The following THNSL2 variants were observed in gnomAD, a reference collection of about 807,000 sequenced individuals.
The protein encoded by THNSL2 is threonine synthase like 2, also known as threonine synthase-like 2.
A neutral mutation model predicts 40.0 loss-of-function variants in THNSL2; 34 were observed. The observed-to-expected ratio is 0.85, with a 90% CI of 0.65 to 1.13. The LOEUF (loss-of-function observed/expected upper bound fraction) is 1.13, where lower values mean the gene tolerates loss of function less well. THNSL2 is among the 50% of genes most tolerant of loss of function. THNSL2 has a pLI of 0.00. For synonymous variants in THNSL2, 241 were observed against 247.5 expected (o/e 0.97, Z 0.25); for missense variants, 537 against 608.8 (o/e 0.88, Z 1.24).
At position 88,174,740 on chromosome 2, in the gene THNSL2, A is replaced by G; in HGVS notation, c.325A>G (p.Thr109Ala). 1 of 1,614,222 alleles carries G rather than the reference A, an allele frequency of 6.2e-7. No homozygotes were observed. Among genetic ancestry groups the G allele is most frequent in the Middle Eastern group, 1.6e-4 (1 of 6,062 alleles). The change falls in exon 3 of 9, where the codon ACA becomes GCA. Residue 109 changes from threonine to alanine, a missense_variant. Physicochemically the swap from Thr to Ala is moderately conservative, Grantham distance 58 (BLOSUM62 0). Transcript: ENST00000674334. ...LNVLELWHGV[T>A]YAFKDLSLSC... ...CGTGTTGGAGCTGTGGCATGGCGTC[A>G]CATATGCATTTAAGGACCTGTCCCT...
At position 88,173,197 on chromosome 2, in the gene THNSL2, A is replaced by T. The variant is rs758858874; in HGVS notation, c.47A>T (p.Glu16Val). 2 of 1,604,400 alleles carry T rather than the reference A, an allele frequency of 1.2e-6. No homozygotes were observed. The highest frequency in any genetic ancestry group is 2.7e-5 in the African/African-American group (2 of 74,640). ...TRGVAPRVNF[E>V]GALFSGYAPD... ...GGCGTAGCCCCACGGGTCAACTTTG[A>T]GGGGGCCCTCTTCTCTGGCTATGCA... The change falls in exon 2 of 9, where the codon GAG becomes GTG. Residue 16 changes from glutamate (E) to valine (V), a missense_variant. Physicochemically the swap from Glu to Val is moderately radical, Grantham distance 121. Transcript: ENST00000674334.
At position 88,182,890 on chromosome 2, in the gene THNSL2, TGGGTG is replaced by T. The variant is rs777921730; in HGVS notation, c.951+47_952-50del. ...GTGCAGATCTGGCCCAGGTGTTGGT[TGGGTG>T]GGGCTCGATGGGGCTGAGATCAGTC... On this transcript the variant is annotated intron_variant, in intron 6 of 8. Transcript: ENST00000674334. 8.7e-6 allele frequency: 14 copies of T among 1,611,702 alleles called. No individual in the cohort carries two copies. In the South Asian group the frequency reaches 1.5e-4, roughly 18 times the overall value.
Position 88,182,701 on chromosome 2 carries a change from G to A in THNSL2, c.805G>A (p.Gly269Arg). The A allele has an allele frequency of 6.2e-7, 1 of 1,605,936 alleles. No individual in the cohort carries two copies. The highest frequency in any genetic ancestry group is 8.5e-7 in the Non-Finnish European group (1 of 1,173,612). Reference sequence around the variant, plus strand: ...TTCTCCTCCTCTCTTGTCTTAAGCTGGGTACATTGCTCAAAAGATAGGCCT... The same window carrying A: ...TTCTCCTCCTCTCTTGTCTTAAGCTAGGTACATTGCTCAAAAGATAGGCCT... ...PTGAAGNLAA[G>R]YIAQKIGLPI... The change falls in exon 6 of 9, where the codon GGG becomes AGG. Residue 269 changes from glycine to arginine, a missense_variant and splice_region_variant. Coordinates refer to ENST00000674334, the MANE Select transcript of THNSL2 (RefSeq NM_018271.5).
intron 4 of THNSL2, 77 bp from the exon 5 acceptor site, chr2:88,178,706 C>T: frequency 6.6e-7 from 1 of 1,513,320 alleles, no homozygotes; most frequent in Non-Finnish European, 9.1e-7. Flanking sequence ...CTGGGAGGGC[C>T]CTGTCGCAGG....
At chr2:88,176,214 G>A (rs1676924008) in intron 4 of THNSL2, 1 of 152,252 alleles carries the variant, frequency 6.6e-6, no homozygotes. Context: ...ACTACTCAGT[G>A]GTACCCACCA....
chr2:88,182,797 T>C lies in THNSL2; in HGVS notation c.901T>C (p.Ser301Pro). 1 of 1,614,166 alleles carries C rather than the reference T, an allele frequency of 6.2e-7. No homozygotes were observed. The highest frequency in any genetic ancestry group is 8.5e-7 in the Non-Finnish European group (1 of 1,180,030). Residue 301 changes from serine to proline, a missense_variant, in exon 6 of 9, where the codon TCT becomes CCT. Physicochemically the swap from Ser to Pro is moderately conservative, Grantham distance 74. Coordinates refer to ENST00000674334, the MANE Select transcript of THNSL2 (RefSeq NM_018271.5). ...IHRTVQQGDF[S>P]LSEAVKSTLA... ...CAGGACTGTCCAGCAGGGAGACTTC[T>C]CTCTCTCTGAGGCTGTTAAATCAAC... is the stretch of plus-strand genomic sequence containing the variant.
At position 88,178,973 on chromosome 2, in the gene THNSL2, G is replaced by T. The variant is rs1677243065; in HGVS notation, c.762G>T (p.Val254=). The T allele has an allele frequency of 1.2e-6, 2 of 1,614,116 alleles. No homozygotes were observed. The highest frequency in any genetic ancestry group is 1.7e-5 in the Admixed American group (1 of 60,012). Residue 254 remains valine, a synonymous_variant, in exon 5 of 9, where the codon GTG becomes GTT. Transcript: ENST00000674334. ...TGGACACACATCCCCTACCCCTGGT[G>T]GAGGTGGTTGTGCCAACAGGGGCTG... ...PSLDTHPLPL[V]EVVVPTGAAG... is the part of the protein sequence containing the mutation.
chr2:88,183,025 G>A lies in THNSL2; in HGVS notation c.1029G>A (p.Gln343=), dbSNP rs1175702835. ...DSQVTRALME[Q]FERTQSVNLP... ...AGGTGACAAGAGCCCTCATGGAGCA[G>A]TTTGAAAGGACCCAAAGTGTGAATC... is the stretch of plus-strand genomic sequence containing the variant. Residue 343 remains glutamine (Q), a synonymous_variant, in exon 7 of 9, where the codon CAG becomes CAA. Transcript: ENST00000674334. 1 of 1,614,008 alleles carries A rather than the reference G, an allele frequency of 6.2e-7. No homozygotes were observed.
chr2:88,182,907 G>T (rs373433510), intron 6 of THNSL2, 41 bp from the exon 7 acceptor site: 2 of 1,612,678 alleles, frequency 1.2e-6, no homozygotes, highest in African/African-American at 2.7e-5. Context: ...GGCTCGATGG[G>T]GCTGAGATCA....
chr2:88,174,164 G>GGACT (rs1362442036), intron 2 of THNSL2, among the ~76,000 whole-genome samples: 1 of 152,132 alleles, frequency 6.6e-6, no homozygotes, highest in African/African-American at 2.4e-5. Flanking sequence ...CTGTGCTCTA[G>GGACT]GACTGCTCCA....
In THNSL2 at chr2:88,171,794, G is replaced by C. The variant is rs574894813; in HGVS notation, c.-13+1338G>C. The C allele has an allele frequency of 3.7e-4, 57 of 154,370 alleles. No individual in the cohort carries two copies. The Middle Eastern group carries it at 0.013, about 36-fold the overall frequency. The allele number at this position is 154,370 out of a possible 1,614,324, so 9.6% of individuals were successfully genotyped here. On this transcript the variant is annotated intron_variant, in intron 1 of 8. Transcript: ENST00000674334. The stretch of plus-strand genomic sequence containing the variant: ...CATACGGAGTGACCTTGTATCCTAG[G>C]TTGCCAGAGAGAGAGTTCTGGCTTA...
rs377492129 is a variant in THNSL2 at position 88,184,055 on chromosome 2, A to T, written c.1077+982A>T. 1.7e-4 allele frequency among the ~76,000 whole-genome samples: 26 copies of T among 152,318 alleles called. No individual in the cohort carries two copies. In the East Asian group the frequency reaches 4.8e-3, roughly 28 times the overall value. ...CCTTTAGTGGTCCCTTGCATGACAT[A>T]ATTTTGCAAGGTCAATATCCACCTT... On this transcript the variant is annotated intron_variant, in intron 7 of 8. Transcript: ENST00000674334.
At chr2:88,177,591 G>A (rs1677073696) in intron 4 of THNSL2, among the ~76,000 whole-genome samples, 1 of 152,190 alleles carries the variant, frequency 6.6e-6, no homozygotes, top group Non-Finnish European at 1.5e-5. Context: ...TGGGCTTCCA[G>A]TTGTTTGATT....
chr2:88,173,054 C>G (rs1242992005), intron 1 of THNSL2, 85 bp from the exon 2 acceptor site: 3 of 911,698 alleles, frequency 3.3e-6, no homozygotes, highest in Non-Finnish European at 4.9e-6. Context: ...TAGAGGCTAA[C>G]TGTGAGACTG....
intron 4 of THNSL2, 116 bp downstream of exon 4, chr2:88,175,517 T>G (rs1233622325): frequency 2.7e-5 from 36 of 1,355,948 alleles, no homozygotes; most frequent in Non-Finnish European, 3.7e-5. Flanking sequence ...CCTCCTTTCA[T>G]CATCATATTC....
At chr2:88,171,128 C>G (rs1420183643) in intron 1 of THNSL2, 3 of 384,606 alleles carry the variant, frequency 7.8e-6, no homozygotes, top group Admixed American at 5.5e-5. Flanking sequence ...AGCAGCCCAA[C>G]AACAGCACTT....
chr2:88,173,364 G>A lies in THNSL2; in HGVS notation c.214G>A (p.Glu72Lys). 6.2e-7 allele frequency: 1 copy of A among 1,601,738 alleles called. No individual in the cohort carries two copies. Among genetic ancestry groups the A allele is most frequent in the African/African-American group, 1.3e-5 (1 of 74,862 alleles). The stretch of plus-strand genomic sequence containing the variant: ...TGGCTCTGAGCTCCTTCCAAAAGAT[G>A]AATTAAATGGTGAGTGCTCCCACCT... ...FIGSELLPKD[E>K]LNDLIDRAFS... Residue 72 changes from glutamate to lysine, a missense_variant, in exon 2 of 9, where the codon GAA becomes AAA. Transcript: ENST00000674334.
chr2:88,186,053 T>C lies in THNSL2; in HGVS notation c.1385T>C (p.Leu462Pro). ...ATGCGGAGAGGTGACAACTGGATGC[T>C]GATGCTTCGGGACACCATTGAGGAC... ...TLMRRGDNWM[L>P]MLRDTIEDLS... The change falls in exon 9 of 9, where the codon CTG becomes CCG. Residue 462 changes from leucine to proline, a missense_variant. Physicochemically the swap from Leu to Pro is moderately conservative, Grantham distance 98 (BLOSUM62 -3). Transcript: ENST00000674334. 1 of 1,589,934 alleles carries C rather than the reference T, an allele frequency of 6.3e-7. No homozygotes were observed. Among genetic ancestry groups the C allele is most frequent in the Non-Finnish European group, 8.6e-7 (1 of 1,168,100 alleles).
chr2:88,182,893 G>A (rs747486600), intron 6 of THNSL2, 46 bp downstream of exon 6: 5 of 1,612,132 alleles, frequency 3.1e-6, no homozygotes, highest in South Asian at 1.1e-5. Flanking sequence ...TGTTGGTTGG[G>A]TGGGGCTCGA....
Sources: allele counts gnomAD v4.1 joint callset (sites outside exome capture counted in the v4.1 genomes callset), GRCh38; gene constraint gnomAD v4.1.1; transcripts MANE v1.5; gene names NCBI Gene and HGNC (gene_info 2026-07-23, HGNC 2026-07-21).